CD70: variants seen among roughly 807,000 people sequenced by gnomAD.
CD70 encodes the protein CD70 molecule, also known as CD70 antigen.
A neutral mutation model predicts 9.0 loss-of-function variants in CD70; 6 were observed. That is an observed-to-expected ratio of 0.67 (90% confidence interval 0.37 to 1.32). The LOEUF (loss-of-function observed/expected upper bound fraction) is 1.32, where lower values mean the gene tolerates loss of function less well. Ranked by LOEUF, CD70 falls within the 40% of genes most tolerant of loss-of-function variation. CD70 has a pLI of 0.02. For synonymous variants in CD70, 108 were observed against 112.3 expected (o/e 0.96, Z 0.24); for missense variants, 235 against 258.7 (o/e 0.91, Z 0.63).
At chr19:6,583,034 G>A (rs1041155457), downstream of CD70, 5 of 294,016 alleles carry the variant, frequency 1.7e-5, no homozygotes, top group Admixed American at 2.1e-4. Context: ...GAGAGGGGCT[G>A]CAGGGCTAGA....
At chr19:6,586,973 G>C (rs1916034441) in intron 2 of CD70, among the ~76,000 whole-genome samples, 2 of 150,630 alleles carry the variant, frequency 1.3e-5, no homozygotes, top group South Asian at 2.1e-4. Context: ...TATATAGAGA[G>C]AGAATGCAGA....
chr19:6,589,422 C>T (rs1332381048), intron 2 of CD70, among the ~76,000 whole-genome samples: 1 of 150,716 alleles, frequency 6.6e-6, no homozygotes, highest in Non-Finnish European at 1.5e-5. Flanking sequence ...CAGAATCTCC[C>T]TCTGTCACCC....
intron 2 of CD70, among the ~76,000 whole-genome samples, chr19:6,589,348 TTTC>T (rs1320550829): frequency 1.3e-5 from 2 of 149,318 alleles, no homozygotes; most frequent in Non-Finnish European, 3.0e-5. Context: ...CCTTCTTCTC[TTTC>T]TTTTCCTTCC....
chr19:6,584,727 G>A (rs1295156204), downstream of CD70, among the ~76,000 whole-genome samples: 1 of 151,472 alleles, frequency 6.6e-6, no homozygotes, highest in Non-Finnish European at 1.5e-5. Flanking sequence ...ATAGCCGGGT[G>A]TGGTGGCCTG....
downstream of CD70, chr19:6,583,457 C>A: frequency 1.5e-6 from 1 of 653,064 alleles, no homozygotes; most frequent in Non-Finnish European, 2.8e-6. Flanking sequence ...TTTGAGTCCC[C>A]AGTTCCAAAA....
In CD70 at chr19:6,590,247, C is replaced by A. The variant is rs1916127708; in HGVS notation, c.163-111G>T. The A allele has an allele frequency of 1.2e-6, 1 of 812,474 alleles. No individual in the cohort carries two copies. The highest frequency in any genetic ancestry group is 2.5e-5 in the East Asian group (1 of 40,706). 50.3% of individuals were successfully genotyped at this position (812,474 alleles called of 1,614,324 possible). ...TCCATCCTCCTTTCCACCTCTCATC[C>A]CACGGCGCGCACTGGTGATTTTATT... On this transcript the variant is annotated intron_variant, in intron 1 of 2. Coordinates refer to ENST00000245903, the MANE Select transcript of CD70 (RefSeq NM_001252.5). The surrounding 1 kb of genome is among the most constrained non-coding windows in gnomAD (Gnocchi z 5.3).
Position 6,590,177 on chromosome 19 carries a change from G to A in CD70, c.163-41C>T, listed in dbSNP as rs1916126119. ...AGAAAACAGGGCACGGACGTAAGCA[G>A]AGAGGTTCTATGTGTCCCCTGTGCC... On this transcript the variant is annotated intron_variant, in intron 1 of 2. Coordinates refer to ENST00000245903, the MANE Select transcript of CD70 (RefSeq NM_001252.5). The surrounding 1 kb of genome is among the most constrained non-coding windows in gnomAD (Gnocchi z 5.3). 6.3e-7 allele frequency: 1 copy of A among 1,585,976 alleles called. No individual in the cohort carries two copies. Among genetic ancestry groups the A allele is most frequent in the Non-Finnish European group, 8.7e-7 (1 of 1,154,324 alleles).
chr19:6,582,033 C>CTTT (rs35914430), downstream of CD70, among the ~76,000 whole-genome samples: 4 of 143,582 alleles, frequency 2.8e-5, no homozygotes, highest in Admixed American at 7.0e-5. Context: ...GCAGTTAAAT[C>CTTT]TTTTTTTTTT....
downstream of CD70, among the ~76,000 whole-genome samples, chr19:6,581,934 G>C (rs1279614548): frequency 1.3e-5 from 2 of 152,076 alleles, no homozygotes; most frequent in Non-Finnish European, 2.9e-5. Flanking sequence ...ATACAATGGG[G>C]TACAGGCGTT....
downstream of CD70, chr19:6,583,623 A>G: frequency 3.8e-6 from 2 of 524,442 alleles, no homozygotes; most frequent in Non-Finnish European, 3.3e-6. Flanking sequence ...CAGTGGCACT[A>G]TCTCAGCTCA....
In CD70 at chr19:6,590,990, C is replaced by T; in HGVS notation, c.13G>A (p.Gly5Ser). 2 of 1,596,504 alleles carry T rather than the reference C, an allele frequency of 1.3e-6. No homozygotes were observed. Among genetic ancestry groups the T allele is most frequent in the South Asian group, 1.1e-5 (1 of 89,664 alleles). Reference protein sequence around the residue: MPEEGSGCSVRRRPY... With the variant: MPEESSGCSVRRRPY... Reference sequence around the variant, plus strand: ...CTGCGCCGCACCGAGCAGCCCGAACCCTCCTCCGGCATCGCCGCGGCGATC... The same window carrying T: ...CTGCGCCGCACCGAGCAGCCCGAACTCTCCTCCGGCATCGCCGCGGCGATC... Residue 5 changes from glycine (G) to serine (S), a missense_variant, in exon 1 of 3, where the codon GGT (glycine) becomes AGT (serine). Gly to Ser is a moderately conservative substitution (Grantham distance 56). Coordinates refer to ENST00000245903, the MANE Select transcript of CD70 (RefSeq NM_001252.5). The surrounding 1 kb of genome is among the most constrained non-coding windows in gnomAD (Gnocchi z 5.3).
At chr19:6,585,143 C>T (rs774468039), downstream of CD70, among the ~76,000 whole-genome samples, 4 of 151,738 alleles carry the variant, frequency 2.6e-5, no homozygotes, top group South Asian at 2.1e-4. Context: ...CCCTGGACCA[C>T]GCTTGGCTAA....
chr19:6,588,043 C>G (rs1356060229), intron 2 of CD70, among the ~76,000 whole-genome samples: 1 of 152,166 alleles, frequency 6.6e-6, no homozygotes, highest in Admixed American at 6.5e-5. Flanking sequence ...TCAGCGTCTC[C>G]TGTCTCCGCA....
rs113396938 is a variant in CD70 at position 6,586,245 on chromosome 19, C to T, written c.357G>A (p.Thr119=). The T allele has an allele frequency of 1.3e-5, 21 of 1,613,958 alleles. No homozygotes were observed. Among genetic ancestry groups the T allele is most frequent in the African/African-American group, 4.0e-5 (3 of 75,000 alleles). ...QVTLAICSST[T]ASRHHPTTLA... The stretch of plus-strand genomic sequence containing the variant: ...GGGTGGTGGGGTGGTGCCTGGAGGC[C>T]GTCGTGGAGGAGCAGATGGCCAGCG... Residue 119 remains threonine, a synonymous_variant, in exon 3 of 3, where the codon ACG becomes ACA. Transcript: ENST00000245903.
downstream of CD70, among the ~76,000 whole-genome samples, chr19:6,584,280 CG>C (rs1915974623): frequency 6.6e-6 from 1 of 150,548 alleles, no homozygotes; most frequent in Non-Finnish European, 1.5e-5. Flanking sequence ...GAGGCCGAGG[CG>C]GGTGGATCAC....
Position 6,586,304 on chromosome 19 carries a change from G to A in CD70, c.298C>T (p.Arg100Cys). The A allele has an allele frequency of 6.2e-7, 1 of 1,613,800 alleles. No homozygotes were observed. Among genetic ancestry groups the A allele is most frequent in the South Asian group, 1.1e-5 (1 of 91,066 alleles). ...ELDKGQLRIH[R>C]DGIYMVHIQV... ...ATGTGTACCATGTAGATGCCATCAC[G>A]ATGGATACGTAGCTGCCCCTTGTCC... Residue 100 changes from arginine to cysteine, a missense_variant, in exon 3 of 3, where the codon CGT (arginine) becomes TGT (cysteine). By Grantham distance (180) the Arg-to-Cys change is radical. Transcript: ENST00000245903.
At position 6,586,220 on chromosome 19, in the gene CD70, G is replaced by C; in HGVS notation, c.382C>G (p.Leu128Val). 3 of 1,614,098 alleles carry C rather than the reference G, an allele frequency of 1.9e-6. No individual in the cohort carries two copies. Among genetic ancestry groups the C allele is most frequent in the Non-Finnish European group, 2.5e-6 (3 of 1,179,988 alleles). ...GCGGGAGAGCAGATTCCCACGGCCAGGGTGGTGGGGTGGTGCCTGGAGGCC... is the reference window on the plus strand; with the variant it reads ...GCGGGAGAGCAGATTCCCACGGCCACGGTGGTGGGGTGGTGCCTGGAGGCC... ...TTASRHHPTT[L>V]AVGICSPASR... The change falls in exon 3 of 3, where the codon CTG becomes GTG. Residue 128 changes from leucine to valine, a missense_variant. Physicochemically the swap from Leu to Val is conservative, Grantham distance 32. Transcript: ENST00000245903.
At chr19:6,582,501 C>A (rs1464036194), downstream of CD70, among the ~76,000 whole-genome samples, 1 of 151,052 alleles carries the variant, frequency 6.6e-6, no homozygotes, top group Non-Finnish European at 1.5e-5. Flanking sequence ...GCTATCCCTC[C>A]CCCCCTCCCC....
downstream of CD70, among the ~76,000 whole-genome samples, chr19:6,582,093 G>A (rs901689916): frequency 2.0e-5 from 3 of 150,018 alleles, no homozygotes; most frequent in South Asian, 2.1e-4. Context: ...ACAGTGGCTC[G>A]ATCTCGGCTC....
Sources: allele counts gnomAD v4.1 joint callset (sites outside exome capture counted in the v4.1 genomes callset), GRCh38; gene constraint gnomAD v4.1.1; non-coding constraint Gnocchi (gnomAD v3.1); transcripts MANE v1.5; gene names NCBI Gene and HGNC (gene_info 2026-07-23, HGNC 2026-07-21).